Variants in PSEN1 observed in about 807,000 individuals in gnomAD.
The protein encoded by PSEN1 is presenilin 1, also known as presenilin-1.
Under a neutral mutation model 53.5 loss-of-function variants are expected in PSEN1, and 15 were observed. The ratio of observed to expected loss-of-function variants is 0.28; its 90% CI spans 0.19 to 0.43. PSEN1 has a LOEUF of 0.43. Ranked by LOEUF, PSEN1 falls within the 20% of genes least tolerant of loss-of-function variation. PSEN1 has a pLI of 1.00. For synonymous variants in PSEN1, 208 were observed against 209.8 expected, an observed-to-expected ratio of 0.99 and a Z score of 0.08; for missense variants, 387 against 571.2, an observed-to-expected ratio of 0.68 and a Z score of 3.29.
At chr14:73,156,060 CT>C (rs1183543609) in intron 3 of PSEN1, among the ~76,000 whole-genome samples, 6 of 152,020 alleles carry the variant, frequency 3.9e-5, no homozygotes, top group African/African-American at 1.4e-4. Flanking sequence ...TATTTTATGG[CT>C]TGGTGGCTCA....
intron 10 of PSEN1, among the ~76,000 whole-genome samples, chr14:73,212,649 T>A (rs1034032226): frequency 2.0e-5 from 3 of 152,154 alleles, no homozygotes; most frequent in African/African-American, 7.2e-5. Context: ...TTAAAGAAAA[T>A]CAAAGGGATT....
chr14:73,151,878 T>TTATATATATATATATGTGTATA (rs1897234309), intron 3 of PSEN1, among the ~76,000 whole-genome samples: 3 of 56,930 alleles, frequency 5.3e-5, no homozygotes, highest in African/African-American at 2.7e-4. Flanking sequence ...CTAAAATATT[T>TTATATATATATATATGTGTATA]TATATATATA....
intron 3 of PSEN1, among the ~76,000 whole-genome samples, chr14:73,157,675 G>A (rs1433984049): frequency 2.0e-5 from 3 of 151,796 alleles, no homozygotes; most frequent in East Asian, 3.9e-4. Flanking sequence ...GTCACCGCGC[G>A]CAGCCATTTA....
At chr14:73,162,076 G>T (rs1369468863) in intron 3 of PSEN1, among the ~76,000 whole-genome samples, 1 of 149,312 alleles carries the variant, frequency 6.7e-6, no homozygotes, top group Non-Finnish European at 1.5e-5. Context: ...CTACTCGGGA[G>T]ACTGAGGCAG....
At chr14:73,210,738 C>G (rs114017123) in intron 9 of PSEN1, among the ~76,000 whole-genome samples, 4 of 152,106 alleles carry the variant, frequency 2.6e-5, no homozygotes, top group African/African-American at 9.7e-5. Context: ...TGTGAGGGCT[C>G]TCCCAGAGGA....
At chr14:73,146,860 A>G (rs1897085710) in intron 1 of PSEN1, among the ~76,000 whole-genome samples, 1 of 152,076 alleles carries the variant, frequency 6.6e-6, no homozygotes, top group African/African-American at 2.4e-5. Context: ...ATTTCTGAAA[A>G]CCTTCTGTGA....
At chr14:73,144,288 C>T (rs996041659) in intron 1 of PSEN1, among the ~76,000 whole-genome samples, 8 of 152,040 alleles carry the variant, frequency 5.3e-5, no homozygotes, top group Admixed American at 2.6e-4. Context: ...GATCTGCCCA[C>T]CTTGGCCTCC....
chr14:73,196,649 A>G (rs1020826877), intron 7 of PSEN1, among the ~76,000 whole-genome samples: 19 of 150,942 alleles, frequency 1.3e-4, no homozygotes, highest in Non-Finnish European at 2.5e-4. Flanking sequence ...AATTTTTTGT[A>G]TTTTTGGTAG....
intron 3 of PSEN1, among the ~76,000 whole-genome samples, chr14:73,157,673 G>A (rs1039265281): frequency 9.2e-5 from 14 of 151,726 alleles, no homozygotes; most frequent in South Asian, 2.1e-4. Context: ...TTGTCACCGC[G>A]CGCAGCCATT....
intron 5 of PSEN1, among the ~76,000 whole-genome samples, chr14:73,178,273 G>A (rs1898105280): frequency 6.8e-6 from 1 of 146,150 alleles, no homozygotes; most frequent in Non-Finnish European, 1.5e-5. Flanking sequence ...AGGCTGGAGT[G>A]CAGTGATGTG....
chr14:73,164,430 A>G (rs1897646274), intron 3 of PSEN1, among the ~76,000 whole-genome samples: 3 of 152,236 alleles, frequency 2.0e-5, no homozygotes, highest in Admixed American at 2.0e-4. Context: ...GCTAATAGCC[A>G]TAGGAATATG....
intron 5 of PSEN1, among the ~76,000 whole-genome samples, chr14:73,178,141 A>C (rs998696068): frequency 3.3e-5 from 5 of 150,188 alleles, no homozygotes; most frequent in African/African-American, 1.2e-4. Flanking sequence ...GCTGGTCTTG[A>C]ACTCCTGGCC....
chr14:73,191,827 G>A (rs2140091446), intron 6 of PSEN1, among the ~76,000 whole-genome samples: 1 of 152,288 alleles, frequency 6.6e-6, no homozygotes, highest in Admixed American at 6.5e-5. Flanking sequence ...GGATTAGAGT[G>A]TGAGCCACTG....
chr14:73,162,082 G>A (rs1897561992), intron 3 of PSEN1, among the ~76,000 whole-genome samples: 1 of 151,178 alleles, frequency 6.6e-6, no homozygotes, highest in Non-Finnish European at 1.5e-5. Flanking sequence ...GGGAGACTGA[G>A]GCAGGAGAAT....
intron 3 of PSEN1, among the ~76,000 whole-genome samples, chr14:73,153,105 G>A (rs895741415): frequency 6.6e-6 from 1 of 151,888 alleles, no homozygotes; most frequent in Admixed American, 6.6e-5. Context: ...ACCTTGAGGA[G>A]AAAAAAAATA....
At chr14:73,204,960 A>G (rs1364346550) in intron 8 of PSEN1, among the ~76,000 whole-genome samples, 2 of 152,174 alleles carry the variant, frequency 1.3e-5, no homozygotes, top group Admixed American at 1.3e-4. Flanking sequence ...GATTTAGTTA[A>G]ACAGTGTATT....
chr14:73,170,237 T>A (rs894687951), intron 3 of PSEN1, among the ~76,000 whole-genome samples: 1 of 152,192 alleles, frequency 6.6e-6, no homozygotes, highest in Non-Finnish European at 1.5e-5. Context: ...GCAAGATCTT[T>A]ATGAGCTGTA....
chr14:73,164,964 TG>T lies in PSEN1; in HGVS notation c.88-5832del, dbSNP rs1444197577. On this transcript the variant is annotated intron_variant, in intron 3 of 11. Coordinates refer to ENST00000324501, the MANE Select transcript of PSEN1 (RefSeq NM_000021.4). ...TCTGTCACAAAATTGTACTTTTTTT[TG>T]TTTTTTTTTGAGACGGAGTCTCATT... Among the ~76,000 whole-genome samples, 7 of 152,278 alleles carry T rather than the reference TG, an allele frequency of 4.6e-5. No individual in the cohort carries two copies. In the South Asian group the frequency reaches 1.5e-3, roughly 32 times the overall value.
chr14:73,171,183 G>A, intron 4 of PSEN1, 136 bp downstream of exon 4: 1 of 1,022,216 alleles, frequency 9.8e-7, no homozygotes, highest in Non-Finnish European at 1.5e-6. Flanking sequence ...ATGGTCAGGA[G>A]CAGTTGAGAG....
Sources: gnomAD v4.1 joint callset for allele counts (sites outside exome capture counted in the v4.1 genomes callset) on GRCh38, gnomAD v4.1.1 for gene constraint, MANE v1.5 for transcripts, NCBI Gene and HGNC (gene_info 2026-07-23, HGNC 2026-07-21) for gene names.